ZNF829: variants seen among roughly 807,000 people sequenced by gnomAD.
The protein encoded by ZNF829 is zinc finger protein 829.
ZNF829 carries 25 observed loss-of-function variants against 35.2 expected under a neutral mutation model. The ratio of observed to expected loss-of-function variants is 0.71; its 90% confidence interval spans 0.52 to 0.99. ZNF829 has a LOEUF of 0.99. ZNF829 is among the 50% of genes least tolerant of loss of function. The probability of loss-of-function intolerance (pLI) is 0.00; values close to 1 mark genes in which losing one functional copy is unlikely to be tolerated. For synonymous variants in ZNF829, 136 were observed against 163.2 expected (o/e 0.83, Z 1.27); for missense variants, 417 against 515.3 (o/e 0.81, Z 1.85).
chr19:36,895,593 C>G (rs922499860), intron 5 of ZNF829, among the ~76,000 whole-genome samples: 2 of 151,948 alleles, frequency 1.3e-5, no homozygotes, highest in Admixed American at 1.3e-4. Context: ...ATAAATATGA[C>G]TCACCTATAT....
intron 5 of ZNF829, among the ~76,000 whole-genome samples, chr19:36,898,497 T>C (rs2073132933): frequency 6.6e-6 from 1 of 151,974 alleles, no homozygotes; most frequent in Non-Finnish European, 1.5e-5. Context: ...AGTTTTTACA[T>C]GAACAGGAAA....
intron 5 of ZNF829, chr19:36,892,945 G>T: frequency 1.4e-6 from 1 of 698,014 alleles, no homozygotes; most frequent in Non-Finnish European, 2.0e-6. Context: ...AGGAGGACAG[G>T]CCAGCAGGAT....
Position 36,891,417 on chromosome 19 carries a change from T to C in ZNF829, c.*75A>G, listed in dbSNP as rs957610873. The stretch of plus-strand genomic sequence containing the variant: ...ATAGGAGAACCTTTGATAATATGTA[T>C]CCTAATTTGTTCTCCTTACCTGTTT... On this transcript the variant is annotated 3_prime_UTR_variant, in exon 6 of 6. Transcript: ENST00000391711. The C allele has an allele frequency of 1.7e-5, 24 of 1,405,400 alleles. No homozygotes were observed. Among genetic ancestry groups the C allele is most frequent in the Non-Finnish European group, 1.9e-5 (20 of 1,050,874 alleles). 87.1% of individuals were successfully genotyped at this position (1,405,400 alleles called of 1,614,324 possible).
At chr19:36,913,267 C>A (rs1163373357) in intron 3 of ZNF829, among the ~76,000 whole-genome samples, 3 of 152,120 alleles carry the variant, frequency 2.0e-5, no homozygotes, top group Non-Finnish European at 2.9e-5. Flanking sequence ...CAAACACATA[C>A]AATTTAAAAA....
At chr19:36,900,739 G>A (rs370072799) in intron 5 of ZNF829, among the ~76,000 whole-genome samples, 1 of 151,144 alleles carries the variant, frequency 6.6e-6, no homozygotes, top group Non-Finnish European at 1.5e-5. Context: ...TCCCAGCTAC[G>A]CAGGAGGCTG....
chr19:36,899,483 G>GA (rs35093483), intron 5 of ZNF829, among the ~76,000 whole-genome samples: 61 of 137,606 alleles, frequency 4.4e-4, no homozygotes, highest in South Asian at 1.2e-3. Context: ...ATTAGTAAAA[G>GA]AAAAAAAAAT....
chr19:36,913,235 C>T (rs1040109075), intron 3 of ZNF829, among the ~76,000 whole-genome samples: 1 of 152,102 alleles, frequency 6.6e-6, no homozygotes, highest in African/African-American at 2.4e-5. Context: ...TATTCTTATC[C>T]TGATTTTCTC....
chr19:36,891,398 G>T lies in ZNF829; in HGVS notation c.*94C>A. On this transcript the variant is annotated 3_prime_UTR_variant, in exon 6 of 6. Coordinates refer to ENST00000391711, the MANE Select transcript of ZNF829 (RefSeq NM_001037232.4). ...ATCGTTTAAAAACGAATACATAGGA[G>T]AACCTTTGATAATATGTATCCTAAT... The T allele has an allele frequency of 1.2e-5, 15 of 1,290,322 alleles. No individual in the cohort carries two copies. The highest frequency in any genetic ancestry group is 1.6e-5 in the Non-Finnish European group (15 of 963,006). 79.9% of individuals were successfully genotyped at this position (1,290,322 alleles called of 1,614,324 possible). A position where few individuals can be genotyped will look rare whatever the true frequency, so the allele number is the denominator to read the frequency against.
chr19:36,891,734 C>G lies in ZNF829; in HGVS notation c.1057G>C (p.Glu353Gln), dbSNP rs1259690405. Reference protein sequence around the residue: ...HRIHAGEKLYECEECRKAFIQ... With the variant: ...HRIHAGEKLYQCEECRKAFIQ... ...AAGGCCTTTCTACATTCTTCACATT[C>G]ATAGAGCTTCTCACCAGCATGAATT... The change falls in exon 6 of 6, where the codon GAA (glutamate) becomes CAA (glutamine). Residue 353 changes from glutamate to glutamine, a missense_variant. Glu to Gln is a conservative substitution (Grantham distance 29). Transcript: ENST00000391711. The G allele has an allele frequency of 1.7e-5, 27 of 1,614,024 alleles. No individual in the cohort carries two copies. The highest frequency in any genetic ancestry group is 1.9e-5 in the Non-Finnish European group (23 of 1,180,028).
chr19:36,892,447 T>G lies in ZNF829; in HGVS notation c.344A>C (p.Lys115Thr). Residue 115 changes from lysine (K) to threonine (T), a missense_variant, in exon 6 of 6, where the codon AAA becomes ACA. Transcript: ENST00000391711. ...ATGTCTCTTCTTTAGAGATAATATT[T>G]TGGTCTCACACATTGATTCCAGATC... is the stretch of plus-strand genomic sequence containing the variant. ...CSDLESMCET[K>T]ILSLKKRHFS... is the part of the protein sequence containing the mutation. 1.3e-6 allele frequency: 2 copies of G among 1,595,474 alleles called. No individual in the cohort carries two copies. The highest frequency in any genetic ancestry group is 1.7e-6 in the Non-Finnish European group (2 of 1,175,186).
Position 36,904,526 on chromosome 19 carries a change from A to G in ZNF829, c.319+3403T>C, listed in dbSNP as rs2073199247. Among the ~76,000 whole-genome samples the G allele has an allele frequency of 1.3e-5, 2 of 151,986 alleles. 1 individual carries two copies. The highest frequency in any genetic ancestry group is 4.1e-4 in the South Asian group (2 of 4,824). ...GCGATTCTCCTGCCTTGGCCTCCCA[A>G]GTAGCTGGGACTACGGGCGCCTGCC... On this transcript the variant is annotated intron_variant, in intron 5 of 5. Transcript: ENST00000391711.
intron 3 of ZNF829, among the ~76,000 whole-genome samples, chr19:36,912,100 C>T (rs2073269213): frequency 6.6e-6 from 1 of 152,202 alleles, no homozygotes; most frequent in Non-Finnish European, 1.5e-5. Context: ...CAGAGACTGA[C>T]TTAGGCAGGA....
Position 36,892,432 on chromosome 19 carries a change from T to C in ZNF829, c.359A>G (p.Lys120Arg), listed in dbSNP as rs368528170. Residue 120 changes from lysine (K) to arginine (R), a missense_variant, in exon 6 of 6, where the codon AAG becomes AGG. By Grantham distance (26) the Lys-to-Arg change is conservative. Coordinates refer to ENST00000391711, the MANE Select transcript of ZNF829 (RefSeq NM_001037232.4). The part of the protein sequence containing the change: ...SMCETKILSL[K>R]KRHFSQVIIT... ...TATTACTTGACTGAAATGTCTCTTCTTTAGAGATAATATTTTGGTCTCACA... is the reference window on the plus strand; with the variant it reads ...TATTACTTGACTGAAATGTCTCTTCCTTAGAGATAATATTTTGGTCTCACA... 4.8e-5 allele frequency: 77 copies of C among 1,602,404 alleles called. 1 individual carries two copies. In the South Asian group the frequency reaches 5.1e-4, roughly 11 times the overall value.
At chr19:36,899,374 G>T (rs1217324845) in intron 5 of ZNF829, among the ~76,000 whole-genome samples, 1 of 152,066 alleles carries the variant, frequency 6.6e-6, no homozygotes, top group African/African-American at 2.4e-5. Context: ...GAGCCTGGGA[G>T]TTCAAGGATG....
intron 5 of ZNF829, among the ~76,000 whole-genome samples, chr19:36,894,437 A>G (rs1223023408): frequency 6.6e-6 from 1 of 152,222 alleles, no homozygotes; most frequent in East Asian, 1.9e-4. Flanking sequence ...ATAATGCTCC[A>G]GCAACAGATT....
chr19:36,914,965 C>A lies in ZNF829; in HGVS notation c.96G>T (p.Lys32Asn). 6.2e-7 allele frequency: 1 copy of A among 1,614,068 alleles called. No homozygotes were observed. Among genetic ancestry groups the A allele is most frequent in the Non-Finnish European group, 8.5e-7 (1 of 1,179,996 alleles). Residue 32 changes from lysine (K) to asparagine (N), a missense_variant and splice_region_variant, in exon 3 of 6, where the codon AAG becomes AAT. Lys to Asn is a moderately conservative substitution (Grantham distance 94). Coordinates refer to ENST00000391711, the MANE Select transcript of ZNF829 (RefSeq NM_001037232.4). Reference sequence around the variant, plus strand: ...AGAAAAAGAGGAAACCCCAACACACCTTGGATACTGCTTGTAGAAGTTCAT... The same window carrying A: ...AGAAAAAGAGGAAACCCCAACACACATTGGATACTGCTTGTAGAAGTTCAT... Reference protein sequence around the residue: ...MHDELLQAVSKGPVMFRDVSI... With the variant: ...MHDELLQAVSNGPVMFRDVSI...
At chr19:36,899,892 AG>A (rs2073147435) in intron 5 of ZNF829, among the ~76,000 whole-genome samples, 2 of 151,500 alleles carry the variant, frequency 1.3e-5, no homozygotes, top group African/African-American at 2.4e-5. Flanking sequence ...TTTTAAAAAA[AG>A]GTTCATATAA....
At chr19:36,902,853 T>C (rs904247345) in intron 5 of ZNF829, among the ~76,000 whole-genome samples, 4 of 152,004 alleles carry the variant, frequency 2.6e-5, no homozygotes, top group Non-Finnish European at 5.9e-5. Flanking sequence ...CTGGGCAACA[T>C]GGTGAAACCC....
chr19:36,902,907 A>AGG (rs2073183152), intron 5 of ZNF829, among the ~76,000 whole-genome samples: 1 of 152,062 alleles, frequency 6.6e-6, no homozygotes, highest in Admixed American at 6.6e-5. Flanking sequence ...ATGGTGGCGC[A>AGG]CGCCTGTAAT....
Sources: allele counts gnomAD v4.1 joint callset (sites outside exome capture counted in the v4.1 genomes callset), GRCh38; gene constraint gnomAD v4.1.1; transcripts MANE v1.5; gene names NCBI Gene and HGNC (gene_info 2026-07-23, HGNC 2026-07-21).